The following LRRC8C variants were observed in gnomAD, a reference collection of about 807,000 sequenced individuals.
LRRC8C encodes the protein leucine rich repeat containing 8 VRAC subunit C.
LRRC8C carries 20 observed loss-of-function variants against 55.3 expected under a neutral mutation model. That is an observed-to-expected ratio of 0.36 (90% CI 0.25 to 0.53). The LOEUF (loss-of-function observed/expected upper bound fraction) is 0.53, where lower values mean the gene tolerates loss of function less well. LRRC8C is among the 20% of genes least tolerant of loss of function. The pLI is 0.92. For missense variants in LRRC8C, 659 were observed against 951.4 expected (o/e 0.69, Z 4.04); for synonymous variants, 376 against 360.7 (o/e 1.04, Z -0.48).
intron 2 of LRRC8C, among the ~76,000 whole-genome samples, chr1:89,705,351 C>G (rs1023605453): frequency 1.0e-4 from 15 of 150,668 alleles, no homozygotes; most frequent in Non-Finnish European, 1.5e-4. Context: ...TGCAGCGCAC[C>G]AGCATGGCAC....
Position 89,714,940 on chromosome 1 carries a change from A to C in LRRC8C, c.2370A>C (p.Glu790Asp), listed in dbSNP as rs779958681. 30 of 1,595,722 alleles carry C rather than the reference A, an allele frequency of 1.9e-5. No individual in the cohort carries two copies. Among genetic ancestry groups the C allele is most frequent in the Non-Finnish European group, 2.6e-5 (30 of 1,174,392 alleles). ...AGLVVEDALF[E>D]TLPSDVREQM... ...TAGTTGTAGAAGATGCTCTGTTTGA[A>C]ACTCTGCCTTCTGACGTCCGGGAGC... Residue 790 changes from glutamate (E) to aspartate (D), a missense_variant, in exon 3 of 3, where the codon GAA (glutamate) becomes GAC (aspartate). Glu to Asp is a conservative substitution (Grantham distance 45, BLOSUM62 2). Coordinates refer to ENST00000370454, the MANE Select transcript of LRRC8C (RefSeq NM_032270.5). The surrounding 1 kb of genome is among the most constrained non-coding windows in gnomAD (Gnocchi z 4.6).
intron 1 of LRRC8C, among the ~76,000 whole-genome samples, chr1:89,664,289 T>A (rs1279923694): frequency 1.3e-5 from 2 of 152,224 alleles, no homozygotes; most frequent in African/African-American, 4.8e-5. Flanking sequence ...TACAGTTAAG[T>A]CTTTAATCTA....
At chr1:89,623,880 G>A in the LRRC8C span, among the ~76,000 whole-genome samples, 1 of 152,214 alleles carries the variant, frequency 6.6e-6, no homozygotes, top group Non-Finnish European at 1.5e-5. Flanking sequence ...TCGTTGTAAA[G>A]AAATGTGGAG....
At position 89,714,805 on chromosome 1, in the gene LRRC8C, A is replaced by C; in HGVS notation, c.2235A>C (p.Ser745=). ...GAAAAAACAGCCTATCTGTACTTTC[A>C]CCGAAAATTGGAAATTTGCTATTTC... ...KIGKNSLSVL[S]PKIGNLLFLS... is the part of the protein sequence containing the mutation. The change falls in exon 3 of 3, where the codon TCA becomes TCC. Residue 745 remains serine, a synonymous_variant. Coordinates refer to ENST00000370454, the MANE Select transcript of LRRC8C (RefSeq NM_032270.5). This position sits in a 1 kb window ranked among gnomAD's most constrained non-coding sequence, Gnocchi z 4.6. 6.2e-7 allele frequency: 1 copy of C among 1,614,058 alleles called. No individual in the cohort carries two copies. Among genetic ancestry groups the C allele is most frequent in the Non-Finnish European group, 8.5e-7 (1 of 1,180,006 alleles).
intron 2 of LRRC8C, among the ~76,000 whole-genome samples, chr1:89,696,419 G>A: frequency 6.6e-6 from 1 of 152,084 alleles, no homozygotes; most frequent in South Asian, 2.1e-4. Context: ...CTTAATCTCT[G>A]CTGTGCTCAG....
At chr1:89,682,611 G>C (rs1261342398) in intron 1 of LRRC8C, among the ~76,000 whole-genome samples, 1 of 152,156 alleles carries the variant, frequency 6.6e-6, no homozygotes, top group African/African-American at 2.4e-5. Flanking sequence ...TGGTTAGTAA[G>C]GCACCTTCAC....
intron 2 of LRRC8C, among the ~76,000 whole-genome samples, chr1:89,699,497 T>C (rs1658262908): frequency 6.6e-6 from 1 of 152,200 alleles, no homozygotes; most frequent in East Asian, 1.9e-4. Flanking sequence ...GGGAAATCTC[T>C]GTACCTTCCT....
intron 1 of LRRC8C, among the ~76,000 whole-genome samples, chr1:89,669,292 G>A (rs920164055): frequency 1.3e-5 from 2 of 152,008 alleles, no homozygotes; most frequent in Admixed American, 1.3e-4. Context: ...GGGAAATGGC[G>A]AGCTGTTAAT....
At chr1:89,651,880 A>T (rs769726319) in intron 1 of LRRC8C, among the ~76,000 whole-genome samples, 4 of 152,186 alleles carry the variant, frequency 2.6e-5, no homozygotes, top group Non-Finnish European at 4.4e-5. Context: ...TTCTTGGTTG[A>T]CAGCTGGTCA....
Position 89,686,580 on chromosome 1 carries a change from T to C in LRRC8C, c.107T>C (p.Leu36Pro). 6.2e-7 allele frequency: 1 copy of C among 1,614,218 alleles called. No homozygotes were observed. The highest frequency in any genetic ancestry group is 8.5e-7 in the Non-Finnish European group (1 of 1,180,036). ...ACCGATTACCTCTCAGTAGCCATGC[T>C]CATGATCGGCGTGTTTGGATGTACT... ...VFTDYLSVAMLMIGVFGCTLQ... is the reference protein window; with the variant it reads ...VFTDYLSVAMPMIGVFGCTLQ... Residue 36 changes from leucine (L) to proline (P), a missense_variant, in exon 2 of 3, where the codon CTC (leucine) becomes CCC (proline). By Grantham distance (98) the Leu-to-Pro change is moderately conservative (BLOSUM62 -3). Coordinates refer to ENST00000370454, the MANE Select transcript of LRRC8C (RefSeq NM_032270.5).
chr1:89,616,399 T>A, the LRRC8C span, among the ~76,000 whole-genome samples: 2 of 152,326 alleles, frequency 1.3e-5, no homozygotes, highest in Non-Finnish European at 2.9e-5. Flanking sequence ...CACAGCCAAG[T>A]GTGCCCGAGG....
At chr1:89,616,349 CAG>C in the LRRC8C span, among the ~76,000 whole-genome samples, 1 of 152,106 alleles carries the variant, frequency 6.6e-6, no homozygotes, top group Non-Finnish European at 1.5e-5. Context: ...TACAACTAGA[CAG>C]AGTTAATTCA....
intron 1 of LRRC8C, among the ~76,000 whole-genome samples, chr1:89,669,095 G>T (rs756216209): frequency 2.3e-4 from 35 of 152,092 alleles, no homozygotes; most frequent in Admixed American, 1.2e-3. Context: ...ACACACAATG[G>T]AATACTACTC....
the LRRC8C span, among the ~76,000 whole-genome samples, chr1:89,615,901 G>A: frequency 1.3e-5 from 2 of 152,120 alleles, no homozygotes; most frequent in Non-Finnish European, 2.9e-5. Flanking sequence ...TTGTTTCCAT[G>A]GGAAATCAAC....
chr1:89,661,301 G>T (rs12133139), intron 1 of LRRC8C: 4,129 of 342,608 alleles, frequency 0.012, 24 homozygotes, highest in Non-Finnish European at 0.018. Flanking sequence ...GTTTGTTCCA[G>T]GGCTCTGGAT....
At chr1:89,633,952 G>C (rs1350330073) in intron 1 of LRRC8C, among the ~76,000 whole-genome samples, 2 of 152,164 alleles carry the variant, frequency 1.3e-5, no homozygotes, top group African/African-American at 4.8e-5. Flanking sequence ...TAGGCTCGCT[G>C]ATCTTTCCCT....
intron 1 of LRRC8C, among the ~76,000 whole-genome samples, chr1:89,642,294 A>G (rs1186518069): frequency 6.6e-6 from 1 of 152,254 alleles, no homozygotes; most frequent in East Asian, 1.9e-4. Flanking sequence ...CCAGACTAGT[A>G]TCCAGGGAGG....
chr1:89,663,147 T>G (rs1178009825), intron 1 of LRRC8C, among the ~76,000 whole-genome samples: 1 of 152,252 alleles, frequency 6.6e-6, no homozygotes, highest in Non-Finnish European at 1.5e-5. Flanking sequence ...GCAAAGGACA[T>G]GAACTCAGCC....
intron 1 of LRRC8C, among the ~76,000 whole-genome samples, chr1:89,639,729 A>G (rs1656403959): frequency 6.6e-6 from 1 of 152,258 alleles, no homozygotes. Context: ...TGTCTGGGGC[A>G]TAGCTGCTCA....
Sources: gnomAD v4.1 joint callset for allele counts (sites outside exome capture counted in the v4.1 genomes callset) on GRCh38, gnomAD v4.1.1 for gene constraint, Gnocchi (gnomAD v3.1) non-coding constraint, MANE v1.5 for transcripts, NCBI Gene and HGNC (gene_info 2026-07-23, HGNC 2026-07-21) for gene names.